ANKHD1: variants seen among roughly 807,000 people sequenced by gnomAD.
ANKHD1 encodes ankyrin repeat and KH domain containing 1.
In ANKHD1, 31 loss-of-function variants were observed where a neutral mutation model predicts 230.5. The observed-to-expected ratio is 0.13, with a 90% confidence interval of 0.10 to 0.18. ANKHD1 has a LOEUF of 0.18. ANKHD1 is among the 10% of genes least tolerant of loss of function. The pLI is 1.00. For synonymous variants in ANKHD1, 1,074 were observed against 1,117.6 expected (o/e 0.96, Z 0.78); for missense variants, 2,256 against 3,071.3 (o/e 0.73, Z 6.27).
chr5:140,472,044 C>T (rs1016572472), intron 10 of ANKHD1, among the ~76,000 whole-genome samples: 2 of 151,920 alleles, frequency 1.3e-5, no homozygotes, highest in African/African-American at 4.8e-5. Context: ...TGGTAAAAAA[C>T]CATAATATCA....
At chr5:140,453,803 A>G (rs2126952268) in intron 7 of ANKHD1, among the ~76,000 whole-genome samples, 1 of 152,330 alleles carries the variant, frequency 6.6e-6, no homozygotes, top group African/African-American at 2.4e-5. Flanking sequence ...AAACTGCATC[A>G]ACTAACAAGC....
At chr5:140,456,478 A>C (rs1023069195) in intron 7 of ANKHD1, among the ~76,000 whole-genome samples, 2 of 152,352 alleles carry the variant, frequency 1.3e-5, no homozygotes, top group Admixed American at 1.3e-4. Context: ...AGGCTACAGT[A>C]ACCAAAACAG....
At chr5:140,407,688 A>G (rs1770580380) in intron 1 of ANKHD1, among the ~76,000 whole-genome samples, 1 of 152,160 alleles carries the variant, frequency 6.6e-6, no homozygotes, top group South Asian at 2.1e-4. Context: ...ACTGTGCCTG[A>G]CCGAAAAACC....
chr5:140,519,480 C>T (rs545873361), intron 24 of ANKHD1, among the ~76,000 whole-genome samples: 33 of 152,194 alleles, frequency 2.2e-4, no homozygotes, highest in East Asian at 2.1e-3. Flanking sequence ...GTCAGTCCTA[C>T]GCCAAAAGAA....
At chr5:140,419,814 C>CTT (rs1344181683) in intron 1 of ANKHD1, among the ~76,000 whole-genome samples, 49 of 137,412 alleles carry the variant, frequency 3.6e-4, no homozygotes, top group Non-Finnish European at 6.9e-4. Flanking sequence ...TTCTTTCTTT[C>CTT]TTTCTTTCTT....
intron 1 of ANKHD1, among the ~76,000 whole-genome samples, chr5:140,416,655 T>C (rs142319368): frequency 2.4e-4 from 36 of 152,216 alleles, no homozygotes; most frequent in African/African-American, 7.9e-4. Context: ...TTTTTTTAAT[T>C]TTAATTTTTT....
intron 10 of ANKHD1, among the ~76,000 whole-genome samples, chr5:140,479,625 CAT>C (rs970369121): frequency 6.6e-6 from 1 of 150,906 alleles, no homozygotes; most frequent in Admixed American, 6.6e-5. Context: ...CCATTATATA[CAT>C]ATATGTGTTC....
At chr5:140,417,390 G>C (rs1771478796) in intron 1 of ANKHD1, among the ~76,000 whole-genome samples, 1 of 150,584 alleles carries the variant, frequency 6.6e-6, no homozygotes, top group Admixed American at 6.6e-5. Context: ...TATTATTTAT[G>C]TATTTATTTA....
At chr5:140,538,842 G>A in intron 32 of ANKHD1, 77 bp from the exon 33 acceptor site, 1 of 1,326,126 alleles carries the variant, frequency 7.5e-7, no homozygotes, top group South Asian at 2.3e-5. Flanking sequence ...AGAAGTCTAA[G>A]CTGGTATTAT....
chr5:140,537,785 T>TA (rs1754147718), intron 31 of ANKHD1, 196 bp downstream of exon 31: 1 of 965,614 alleles, frequency 1.0e-6, no homozygotes, highest in East Asian at 2.9e-5. Context: ...AGGTAATACA[T>TA]AGAGTTAATC....
At chr5:140,445,668 T>A (rs2126932995) in intron 5 of ANKHD1, 74 bp from the exon 6 acceptor site, 1 of 1,268,006 alleles carries the variant, frequency 7.9e-7, no homozygotes, top group East Asian at 2.8e-5. Context: ...TATTTCTTTT[T>A]AAATCTTTTA....
At chr5:140,457,972 T>G (rs1480360230) in intron 7 of ANKHD1, among the ~76,000 whole-genome samples, 1 of 152,196 alleles carries the variant, frequency 6.6e-6, no homozygotes, top group African/African-American at 2.4e-5. Flanking sequence ...TGACTTACTG[T>G]CTATGCAGAT....
intron 9 of ANKHD1, 110 bp downstream of exon 9, chr5:140,459,465 C>T: frequency 1.5e-6 from 2 of 1,332,194 alleles, no homozygotes; most frequent in Non-Finnish European, 2.0e-6. Context: ...TGGTGGTTAC[C>T]AGAGTGTGGG....
At chr5:140,511,906 G>A (rs1752786005) in intron 22 of ANKHD1, among the ~76,000 whole-genome samples, 1 of 152,144 alleles carries the variant, frequency 6.6e-6, no homozygotes, top group Non-Finnish European at 1.5e-5. Flanking sequence ...TAGAACCTTG[G>A]TAGGAAGGGA....
At chr5:140,474,941 T>G (rs927535956) in intron 10 of ANKHD1, among the ~76,000 whole-genome samples, 11 of 152,192 alleles carry the variant, frequency 7.2e-5, no homozygotes, top group African/African-American at 2.7e-4. Flanking sequence ...CCTTCCACTT[T>G]TTAACTTTTT....
chr5:140,402,162 C>A lies in ANKHD1; in HGVS notation c.195C>A (p.Gly65=). The change falls in exon 1 of 34, where the codon GGC becomes GGA. Residue 65 remains glycine (G), a synonymous_variant. Transcript: ENST00000360839. ...GVGSSGGGGS[G]SGTGGGDAAL... ...GCAGCAGCGGCGGCGGCGGCAGCGG[C>A]AGCGGTACGGGCGGAGGGGACGCGG... is the stretch of plus-strand genomic sequence containing the variant. 6.5e-7 allele frequency: 1 copy of A among 1,527,602 alleles called. No homozygotes were observed. Among genetic ancestry groups the A allele is most frequent in the South Asian group, 1.2e-5 (1 of 81,648 alleles). The allele number at this position is 1,527,602 out of a possible 1,614,324, so 94.6% of individuals were successfully genotyped here.
intron 7 of ANKHD1, among the ~76,000 whole-genome samples, chr5:140,454,006 G>A (rs1290259375): frequency 1.3e-5 from 2 of 152,172 alleles, no homozygotes; most frequent in African/African-American, 4.8e-5. Flanking sequence ...TCAAAATAAA[G>A]GGATGGAGTA....
At chr5:140,496,220 TC>T (rs1425924038) in intron 14 of ANKHD1, among the ~76,000 whole-genome samples, 1 of 151,954 alleles carries the variant, frequency 6.6e-6, no homozygotes, top group African/African-American at 2.4e-5. Flanking sequence ...GTTTTCCTTT[TC>T]CCCGCCCCTG....
chr5:140,417,710 T>G (rs1314152796), intron 1 of ANKHD1, among the ~76,000 whole-genome samples: 1 of 152,074 alleles, frequency 6.6e-6, no homozygotes, highest in Non-Finnish European at 1.5e-5. Context: ...TGCGTCGGCC[T>G]CCCAGAGTGC....
Sources: allele counts gnomAD v4.1 joint callset (sites outside exome capture counted in the v4.1 genomes callset), GRCh38; gene constraint gnomAD v4.1.1; transcripts MANE v1.5; gene names NCBI Gene and HGNC (gene_info 2026-07-23, HGNC 2026-07-21).